NOL10: variants seen among roughly 807,000 people sequenced by gnomAD.
The protein encoded by NOL10 is H_NH0074G24.1.
A neutral mutation model predicts 103.5 loss-of-function variants in NOL10; 58 were observed. That is an observed-to-expected ratio of 0.56 (90% confidence interval 0.45 to 0.70). The LOEUF (loss-of-function observed/expected upper bound fraction) is 0.70. Ranked by LOEUF, NOL10 falls within the 30% of genes least tolerant of loss-of-function variation. The probability of loss-of-function intolerance (pLI) is 0.00; values close to 1 mark genes in which losing one functional copy is unlikely to be tolerated. For synonymous variants in NOL10, 287 were observed against 282.5 expected (o/e 1.02, Z -0.16); for missense variants, 763 against 807.3 (o/e 0.95, Z 0.67).
intron 7 of NOL10, 125 bp downstream of exon 7, chr2:10,668,533 C>T (rs556198390): frequency 1.0e-3 from 426 of 424,302 alleles, no homozygotes; most frequent in African/African-American, 8.0e-3. Context: ...TTCAACAGTA[C>T]TTTTTAACTA....
chr2:10,687,892 A>G (rs1317714734), intron 1 of NOL10, among the ~76,000 whole-genome samples: 1 of 152,178 alleles, frequency 6.6e-6, no homozygotes, highest in Non-Finnish European at 1.5e-5. Context: ...GGTTGCAGTG[A>G]GCCAACATCA....
At chr2:10,617,354 G>A (rs1037946407) in intron 13 of NOL10, among the ~76,000 whole-genome samples, 1 of 152,060 alleles carries the variant, frequency 6.6e-6, no homozygotes, top group East Asian at 1.9e-4. Flanking sequence ...CTGGGCGACT[G>A]ACTGGTTCCG....
intron 13 of NOL10, among the ~76,000 whole-genome samples, chr2:10,642,032 T>C (rs1165835515): frequency 2.6e-5 from 4 of 152,138 alleles, no homozygotes; most frequent in Non-Finnish European, 5.9e-5. Context: ...GTGATCAAAA[T>C]ACAATAAGCA....
At chr2:10,673,638 T>C (rs952998284) in intron 4 of NOL10, 81 bp from the exon 5 acceptor site, 1 of 938,794 alleles carries the variant, frequency 1.1e-6, no homozygotes, top group African/African-American at 1.7e-5. Flanking sequence ...AAGATTCTAA[T>C]TCAACACAGA....
chr2:10,628,290 C>A (rs1268493785), intron 13 of NOL10, among the ~76,000 whole-genome samples: 1 of 152,192 alleles, frequency 6.6e-6, no homozygotes, highest in Middle Eastern at 3.2e-3. Flanking sequence ...ACACTCTGCA[C>A]ATGAAGAGCC....
chr2:10,628,028 G>T (rs547150472), intron 13 of NOL10, among the ~76,000 whole-genome samples: 13 of 151,988 alleles, frequency 8.6e-5, no homozygotes, highest in Non-Finnish European at 1.2e-4. Context: ...TGTGAAAGGC[G>T]AGTGCTTCAC....
At chr2:10,636,208 T>C (rs1678200196) in intron 13 of NOL10, among the ~76,000 whole-genome samples, 1 of 152,092 alleles carries the variant, frequency 6.6e-6, no homozygotes, top group Admixed American at 6.6e-5. Context: ...TTTTTGACAC[T>C]TATTTTCAAG....
At chr2:10,583,700 C>T (rs1674878583) in intron 19 of NOL10, among the ~76,000 whole-genome samples, 1 of 152,192 alleles carries the variant, frequency 6.6e-6, no homozygotes, top group East Asian at 1.9e-4. Flanking sequence ...TTCTTTCTCA[C>T]TCTTAGTCTT....
intron 13 of NOL10, among the ~76,000 whole-genome samples, chr2:10,625,988 A>G (rs567326036): frequency 6.6e-6 from 1 of 152,062 alleles, no homozygotes; most frequent in South Asian, 2.1e-4. Context: ...AGCCTGGGCA[A>G]CAGAGTGAAA....
chr2:10,642,197 A>G (rs34851538), intron 13 of NOL10, among the ~76,000 whole-genome samples: 32,700 of 152,150 alleles, frequency 0.21, 4,605 homozygotes, highest in East Asian at 0.44. Flanking sequence ...TGTGATCTAT[A>G]CAGCTCTCTA....
chr2:10,682,861 A>G (rs1681877072), intron 2 of NOL10, among the ~76,000 whole-genome samples: 1 of 152,162 alleles, frequency 6.6e-6, no homozygotes, highest in East Asian at 1.9e-4. Context: ...CCTGGCTCAC[A>G]GCAACCTCCA....
intron 17 of NOL10, among the ~76,000 whole-genome samples, chr2:10,593,134 T>TTTTTTTTTC (rs755004185): frequency 6.6e-6 from 1 of 151,958 alleles, no homozygotes; most frequent in Non-Finnish European, 1.5e-5. Context: ...AATTAGTTTT[T>TTTTTTTTTC]TTTTTTTTCT....
intron 13 of NOL10, among the ~76,000 whole-genome samples, chr2:10,611,938 AC>A (rs1322611336): frequency 6.6e-6 from 1 of 151,714 alleles, no homozygotes; most frequent in African/African-American, 2.4e-5. Context: ...ACAAAACAAA[AC>A]AAAAACAAAA....
intron 19 of NOL10, among the ~76,000 whole-genome samples, chr2:10,585,648 T>C (rs7570690): frequency 0.091 from 13,861 of 152,196 alleles, 1,012 homozygotes; most frequent in East Asian, 0.39. Flanking sequence ...CGCTGGGGAA[T>C]TGGTTCCAGG....
intron 13 of NOL10, among the ~76,000 whole-genome samples, chr2:10,638,850 T>G (rs1678504647): frequency 1.6e-5 from 2 of 125,652 alleles, no homozygotes; most frequent in Admixed American, 9.4e-5. Context: ...TTGCCCAGGC[T>G]GGAGTGCACT....
At chr2:10,668,034 TTACCTCTC>T (rs967916566) in intron 7 of NOL10, among the ~76,000 whole-genome samples, 13 of 152,186 alleles carry the variant, frequency 8.5e-5, no homozygotes, top group African/African-American at 2.4e-5. Context: ...GGCAAACTAC[TTACCTCTC>T]TGAGCCTCAG....
In NOL10 at chr2:10,577,628, C is replaced by T; in HGVS notation, c.1947+8G>A. ...TGAATTAAAAAATAACAATAAAAGA[C>T]AACTCACCCTCTTTAACGTGAATGT... On this transcript the variant is annotated splice_region_variant and intron_variant, in intron 20 of 20. Transcript: ENST00000381685. 2 of 1,590,278 alleles carry T rather than the reference C, an allele frequency of 1.3e-6. No individual in the cohort carries two copies.
At chr2:10,615,657 A>G (rs781765493) in intron 13 of NOL10, among the ~76,000 whole-genome samples, 3 of 152,246 alleles carry the variant, frequency 2.0e-5, no homozygotes, top group Non-Finnish European at 4.4e-5. Context: ...GCAGTAATTT[A>G]AGAAACTTAA....
chr2:10,627,853 A>G (rs994088855), intron 13 of NOL10, among the ~76,000 whole-genome samples: 1 of 151,442 alleles, frequency 6.6e-6, no homozygotes, highest in Non-Finnish European at 1.5e-5. Context: ...CAAAATACCC[A>G]TGTAACAAAC....
Sources: allele counts gnomAD v4.1 joint callset (sites outside exome capture counted in the v4.1 genomes callset), GRCh38; gene constraint gnomAD v4.1.1; transcripts MANE v1.5; gene names NCBI Gene and HGNC (gene_info 2026-07-23, HGNC 2026-07-21).